The following BCOR variants were observed in gnomAD, a reference collection of about 807,000 sequenced individuals.
BCOR encodes BCL-6 corepressor.
BCOR carries 10 observed loss-of-function variants against 86.7 expected under a neutral mutation model. That is an observed-to-expected ratio of 0.12 (90% CI 0.07 to 0.20). The LOEUF (loss-of-function observed/expected upper bound fraction) is 0.20. Ranked by LOEUF, BCOR falls within the 10% of genes least tolerant of loss-of-function variation. The probability of loss-of-function intolerance (pLI) is 1.00; values close to 1 mark genes in which losing one functional copy is unlikely to be tolerated. For synonymous variants in BCOR, 611 were observed against 609.0 expected, an observed-to-expected ratio of 1.00 and a Z score of -0.05; for missense variants, 1,259 against 1,452.1, an observed-to-expected ratio of 0.87 and a Z score of 2.16.
chrX:40,168,929 C>A (rs1308065791), intron 1 of BCOR, among the ~76,000 whole-genome samples: 2 of 112,750 alleles, frequency 1.8e-5, no homozygotes, highest in Non-Finnish European at 3.8e-5. Context: ...CCCGCCCGCC[C>A]GCCCTGGCCG....
At chrX:40,120,834 G>A (rs1033859320) in intron 1 of BCOR, among the ~76,000 whole-genome samples, 1 of 112,292 alleles carries the variant, frequency 8.9e-6, no homozygotes, top group Non-Finnish European at 1.9e-5. Context: ...AAAGAAAAGT[G>A]GGAGCAGGAA....
chrX:40,077,558 G>A (rs912689507), intron 2 of BCOR: 6 of 362,107 alleles, frequency 1.7e-5, no homozygotes, highest in East Asian at 1.5e-4. Flanking sequence ...GACATTTAGA[G>A]TTAAAGCAGT....
intron 1 of BCOR, among the ~76,000 whole-genome samples, chrX:40,080,986 C>CGT (rs1386602322): frequency 8.7e-4 from 26 of 29,850 alleles, no homozygotes; most frequent in East Asian, 6.0e-3. Flanking sequence ...CACACACACA[C>CGT]GCGCACACAC....
chrX:40,124,013 G>A (rs930952591), intron 1 of BCOR, among the ~76,000 whole-genome samples: 2 of 111,402 alleles, frequency 1.8e-5, no homozygotes, highest in African/African-American at 6.5e-5. Context: ...CTTGGGAGCG[G>A]GAGAATGAGC....
rs546960508 is a variant in BCOR, at chrX:40,110,667, C to CTTTTTTTTTTTTT, written c.-40-32711_-40-32699dup. Among the ~76,000 whole-genome samples, 22 of 29,549 alleles carry CTTTTTTTTTTTTT rather than the reference C, an allele frequency of 7.4e-4. 6 individuals carry two copies. The highest frequency in any genetic ancestry group is 2.0e-3 in the East Asian group (2 of 1,020). The allele number at this position is 29,549 out of a possible 115,157, so 25.7% of individuals were successfully genotyped here. ...TTCTTTTTTTTCTTTTTTCCTTTTT[C>CTTTTTTTTTTTTT]TTTTTTTTTTTTTTTTTTTTTTTTT... On this transcript the variant is annotated intron_variant, in intron 1 of 14. Coordinates refer to the BCOR transcript ENST00000342274.
At chrX:40,143,908 G>T (rs773906664) in intron 1 of BCOR, among the ~76,000 whole-genome samples, 1 of 112,696 alleles carries the variant, frequency 8.9e-6, no homozygotes, top group South Asian at 3.6e-4. Flanking sequence ...AGTGAGTCGA[G>T]ATCGGGCCAT....
At chrX:40,175,506 AC>A (rs762181300) in intron 1 of BCOR, among the ~76,000 whole-genome samples, 10 of 113,180 alleles carry the variant, frequency 8.8e-5, no homozygotes, top group African/African-American at 3.2e-4. Context: ...GTGAAGGCCC[AC>A]CCCGATTCTG....
intron 1 of BCOR, among the ~76,000 whole-genome samples, chrX:40,144,488 G>A (rs1343614459): frequency 8.9e-6 from 1 of 111,894 alleles, no homozygotes; most frequent in Admixed American, 9.5e-5. Flanking sequence ...CCTTTGTTAG[G>A]TGGATCATTG....
chrX:40,071,495 C>CA (rs1935478246), intron 5 of BCOR, 142 bp downstream of exon 5: 1 of 512,208 alleles, frequency 2.0e-6, no homozygotes, highest in African/African-American at 2.4e-5. Context: ...GAAAACAAAA[C>CA]AAAAACACAA....
chrX:40,054,493 G>A (rs1267829253), intron 12 of BCOR, among the ~76,000 whole-genome samples, 160 bp from the exon 13 acceptor site: 1 of 108,322 alleles, frequency 9.2e-6, no homozygotes, highest in East Asian at 2.9e-4. Context: ...TTACACTTAT[G>A]TATCTCTTTT....
At chrX:40,150,342 A>G (rs146882374) in intron 1 of BCOR, among the ~76,000 whole-genome samples, 209 of 112,216 alleles carry the variant, frequency 1.9e-3, no homozygotes, top group African/African-American at 6.4e-3. Context: ...TGTGAACTTG[A>G]CCTAGTGAAA....
At chrX:40,150,041 T>C (rs975395834) in intron 1 of BCOR, among the ~76,000 whole-genome samples, 14 of 112,555 alleles carry the variant, frequency 1.2e-4, no homozygotes, top group Non-Finnish European at 2.4e-4. Context: ...AGAATCCAGA[T>C]TGTCCGTTAA....
At chrX:40,175,366 G>A (rs1360790289) in intron 1 of BCOR, among the ~76,000 whole-genome samples, 1 of 113,376 alleles carries the variant, frequency 8.8e-6, no homozygotes, top group Non-Finnish European at 1.9e-5. Context: ...CAGCGCCCGC[G>A]CGATCCTCTC....
chrX:40,127,861 AAAATAAAT>A (rs56092715), intron 1 of BCOR, among the ~76,000 whole-genome samples: 28,744 of 85,699 alleles, frequency 0.34, 4,613 homozygotes, highest in Middle Eastern at 0.44. Flanking sequence ...ACCTTGTCTC[AAAATAAAT>A]AAATAAATAA....
chrX:40,063,114 C>T (rs1349859634), intron 8 of BCOR, 43 bp from the exon 9 acceptor site: 34 of 972,792 alleles, frequency 3.5e-5, no homozygotes, highest in Middle Eastern at 3.8e-4. Flanking sequence ...GGATGGGAGA[C>T]GGGAGAAGAA....
chrX:40,171,317 C>T (rs1019518808), intron 1 of BCOR, among the ~76,000 whole-genome samples: 5 of 112,453 alleles, frequency 4.4e-5, no homozygotes, highest in Non-Finnish European at 9.4e-5. Flanking sequence ...TCACTTCCCT[C>T]CACCCAGTCA....
rs763847763 is a variant in BCOR, at chrX:40,123,747, G to A, written c.-40-45778C>T. On this transcript the variant is annotated intron_variant, in intron 1 of 14. Coordinates refer to the BCOR transcript ENST00000342274. ...TTTATCTGGCTCTGGAAGTGCAAGA[G>A]CACAGACTGGGAGGAGACGTGGGCT... 1.2e-4 allele frequency among the ~76,000 whole-genome samples: 13 copies of A among 110,811 alleles called. 1 individual carries two copies. The highest frequency in any genetic ancestry group is 3.9e-4 in the African/African-American group (12 of 30,426).
chrX:40,071,851 C>G (rs1018036241), intron 4 of BCOR, 161 bp from the exon 5 acceptor site: 11 of 449,976 alleles, frequency 2.4e-5, no homozygotes, highest in Middle Eastern at 6.0e-4. Flanking sequence ...CAACATCTAT[C>G]ATAATTCACT....
chrX:40,133,701 C>G (rs1411714700), intron 1 of BCOR, among the ~76,000 whole-genome samples: 2 of 110,162 alleles, frequency 1.8e-5, no homozygotes, highest in African/African-American at 6.6e-5. Context: ...ACCTCGTGCT[C>G]TGCCCGCCTC....
Sources: allele counts gnomAD v4.1 joint callset (sites outside exome capture counted in the v4.1 genomes callset), GRCh38; gene constraint gnomAD v4.1.1; transcripts MANE v1.5; gene names NCBI Gene and HGNC (gene_info 2026-07-23, HGNC 2026-07-21).